METTL23: variants seen among roughly 807,000 people sequenced by gnomAD.
METTL23 encodes histone-arginine methyltransferase METTL23.
Under a neutral mutation model 21.2 loss-of-function variants are expected in METTL23, and 24 were observed. The observed-to-expected ratio is 1.13, with a 90% CI of 0.82 to 1.59. The LOEUF is 1.59. METTL23 is among the 40% of genes most tolerant of loss of function. The pLI is 0.00. For synonymous variants in METTL23, 97 were observed against 75.2 expected, an observed-to-expected ratio of 1.29 and a Z score of -1.50; for missense variants, 276 against 221.4, an observed-to-expected ratio of 1.25 and a Z score of -1.57.
chr17:76,729,869 GTT>G, intron 2 of METTL23, 75 bp downstream of exon 2: 1 of 1,049,642 alleles, frequency 9.5e-7, no homozygotes, highest in Non-Finnish European at 1.4e-6. Flanking sequence ...TATATTGCTT[GTT>G]TTTAGCTTTT....
rs2076970761 is a variant in METTL23, at chr17:76,727,069, T to G, written c.-131T>G. ...CGCCCGGGGCCCAACGACGCCCTAC[T>G]GGGCGAGCACGATTTCCGAGGACAG... On this transcript the variant is annotated 5_prime_UTR_variant, in exon 1 of 5. Coordinates refer to ENST00000341249, the MANE Select transcript of METTL23 (RefSeq NM_001080510.5). 2 of 454,870 alleles carry G rather than the reference T, an allele frequency of 4.4e-6. No individual in the cohort carries two copies. Among genetic ancestry groups the G allele is most frequent in the Non-Finnish European group, 8.8e-6 (2 of 226,352 alleles). The allele number at this position is 454,870 out of a possible 1,614,324, so 28.2% of individuals were successfully genotyped here. A position where few individuals can be genotyped will look rare whatever the true frequency, so the allele number is the denominator to read the frequency against.
chr17:76,733,454 G>C, intron 4 of METTL23, 67 bp from the exon 5 acceptor site: 1 of 1,598,416 alleles, frequency 6.3e-7, no homozygotes, highest in Non-Finnish European at 8.5e-7. Context: ...CATAATTTAA[G>C]AATAGAATAC....
Position 76,729,741 on chromosome 17 carries a change from G to A in METTL23, c.31G>A (p.Ala11Thr), listed in dbSNP as rs2077115921. ...TGTTTGGCCCTGTGCTGTGGTCCTGGCCCAGTACCTTTGGTTTCACAGAAG... is the reference window on the plus strand; with the variant it reads ...TGTTTGGCCCTGTGCTGTGGTCCTGACCCAGTACCTTTGGTTTCACAGAAG... MYVWPCAVVLAQYLWFHRRSL... is the reference protein window; with the variant it reads MYVWPCAVVLTQYLWFHRRSL... The change falls in exon 2 of 5, where the codon GCC becomes ACC. Residue 11 changes from alanine to threonine, a missense_variant. By Grantham distance (58) the Ala-to-Thr change is moderately conservative. Coordinates refer to ENST00000341249, the MANE Select transcript of METTL23 (RefSeq NM_001080510.5). 1.3e-6 allele frequency: 2 copies of A among 1,599,846 alleles called. No homozygotes were observed. The highest frequency in any genetic ancestry group is 1.1e-5 in the South Asian group (1 of 88,618).
At chr17:76,726,249 G>T (rs895288505), upstream of METTL23, 1 of 1,421,746 alleles carries the variant, frequency 7.0e-7, no homozygotes, top group Non-Finnish European at 9.2e-7. Flanking sequence ...ACGAGGTCCC[G>T]GGCGCTCGGG....
chr17:76,733,379 C>T lies in METTL23; in HGVS notation c.407+2C>T, dbSNP rs2077321301. 6.2e-7 allele frequency: 1 copy of T among 1,613,178 alleles called. No homozygotes were observed. The highest frequency in any genetic ancestry group is 1.3e-5 in the African/African-American group (1 of 75,014). On this transcript the variant is annotated splice_donor_variant, in intron 4 of 4. Coordinates refer to ENST00000341249, the MANE Select transcript of METTL23 (RefSeq NM_001080510.5). LOFTEE classifies it low-confidence loss of function (GC_TO_GT_DONOR). ...GTGGTCTACTTATCAAGTTAGGAGGCAAGTATGGATGACCCTTACTTTTTA... is the reference window on the plus strand; with the variant it reads ...GTGGTCTACTTATCAAGTTAGGAGGTAAGTATGGATGACCCTTACTTTTTA...
Position 76,733,215 on chromosome 17 carries a change from G to A in METTL23, c.322G>A (p.Asp108Asn), listed in dbSNP as rs2077309058. The change falls in exon 3 of 5, where the codon GAT becomes AAT. Residue 108 changes from aspartate to asparagine, a missense_variant and splice_region_variant. Physicochemically the swap from Asp to Asn is conservative, Grantham distance 23. Coordinates refer to ENST00000341249, the MANE Select transcript of METTL23 (RefSeq NM_001080510.5). ...ATCTGATGTGTTCTTTGAACCAGAA[G>A]GTAAGCTTTTTTGGCTCAATAGTAC... ...LASDVFFEPE[D>N]FEDILATIYF... The A allele has an allele frequency of 4.3e-6, 7 of 1,613,506 alleles. No individual in the cohort carries two copies. Among genetic ancestry groups the A allele is most frequent in the South Asian group, 2.2e-5 (2 of 91,016 alleles).
Position 76,727,093 on chromosome 17 carries a change from A to C in METTL23, c.-107A>C. The C allele has an allele frequency of 2.2e-6, 1 of 453,170 alleles. No individual in the cohort carries two copies. The highest frequency in any genetic ancestry group is 4.4e-6 in the Non-Finnish European group (1 of 225,704). The allele number at this position is 453,170 out of a possible 1,614,324, so 28.1% of individuals were successfully genotyped here. On this transcript the variant is annotated 5_prime_UTR_variant, in exon 1 of 5. Transcript: ENST00000341249. ...CTGGGCGAGCACGATTTCCGAGGAC[A>C]GGGGGTCCGGGCCCAGCGCTTTCGA...
At chr17:76,726,323 G>A, upstream of METTL23, 1 of 1,548,102 alleles carries the variant, frequency 6.5e-7, no homozygotes, top group Admixed American at 1.9e-5. Flanking sequence ...GCCCGGCCTG[G>A]CCACCCCCGC....
At chr17:76,732,211 C>G (rs1364202787) in intron 2 of METTL23, among the ~76,000 whole-genome samples, 2 of 141,728 alleles carry the variant, frequency 1.4e-5, no homozygotes, top group Non-Finnish European at 2.9e-5. Context: ...ATACAAAATA[C>G]TAGCCGAGTG....
Position 76,726,871 on chromosome 17 carries a change from T to G in METTL23, c.-329T>G, listed in dbSNP as rs756237568. The G allele has an allele frequency of 6.3e-5, 28 of 442,818 alleles. No homozygotes were observed. The highest frequency in any genetic ancestry group is 4.4e-4 in the South Asian group (28 of 63,976). 27.4% of individuals were successfully genotyped at this position (442,818 alleles called of 1,614,324 possible). A position where few individuals can be genotyped will look rare whatever the true frequency, so the allele number is the denominator to read the frequency against. ...GTCGCGCCAGCCGCCCGTTGCCAGT[T>G]CTGCGCGTGTGAGTCTCTTTCGCCT... On this transcript the variant is annotated 5_prime_UTR_variant, in exon 1 of 5. Coordinates refer to ENST00000341249, the MANE Select transcript of METTL23 (RefSeq NM_001080510.5).
At chr17:76,732,147 CAGG>C (rs1424091667) in intron 2 of METTL23, among the ~76,000 whole-genome samples, 1 of 144,734 alleles carries the variant, frequency 6.9e-6, no homozygotes, top group African/African-American at 2.9e-5. Context: ...CACTTGAGGT[CAGG>C]AGTTCAAGAC....
At chr17:76,732,934 G>A in intron 2 of METTL23, 44 bp from the exon 3 acceptor site, 1 of 1,466,196 alleles carries the variant, frequency 6.8e-7, no homozygotes, top group South Asian at 1.2e-5. Context: ...ATTATTTGCA[G>A]TTCCAAGTAT....
chr17:76,727,000 G>A lies in METTL23; in HGVS notation c.-200G>A, dbSNP rs1382073768. 2.2e-6 allele frequency: 1 copy of A among 456,322 alleles called. No homozygotes were observed. The highest frequency in any genetic ancestry group is 4.4e-6 in the Non-Finnish European group (1 of 226,784). The allele number at this position is 456,322 out of a possible 1,614,324, so 28.3% of individuals were successfully genotyped here. On this transcript the variant is annotated 5_prime_UTR_variant, in exon 1 of 5. Coordinates refer to ENST00000341249, the MANE Select transcript of METTL23 (RefSeq NM_001080510.5). ...ACGGCCACGTGGCCCGCGGCTTCCC[G>A]CTCGCGCAGTCTGGCAGCCCGGAGC...
At chr17:76,732,250 C>A (rs888861804) in intron 2 of METTL23, among the ~76,000 whole-genome samples, 2 of 151,926 alleles carry the variant, frequency 1.3e-5, no homozygotes, top group African/African-American at 4.9e-5. Flanking sequence ...TGCCTGTAAT[C>A]CTAGCACTTT....
intron 2 of METTL23, among the ~76,000 whole-genome samples, chr17:76,730,961 C>T (rs1323523433): frequency 4.6e-5 from 7 of 152,170 alleles, no homozygotes; most frequent in Admixed American, 6.5e-5. Flanking sequence ...AAAAATTAGC[C>T]GGGCCTGGTG....
intron 2 of METTL23, among the ~76,000 whole-genome samples, chr17:76,730,869 T>C (rs7209720): frequency 1 from 151,535 of 151,588 alleles, 75,741 homozygotes; most frequent in Middle Eastern, 1. Context: ...TTTGGGAGGC[T>C]GAGGCGGGCG....
At chr17:76,727,207 G>C (rs186161513) in intron 1 of METTL23, 29 bp downstream of exon 1, 23 of 378,412 alleles carry the variant, frequency 6.1e-5, no homozygotes, top group African/African-American at 4.5e-4. Flanking sequence ...GCCAGGAGGC[G>C]CCTGAGGTCA....
chr17:76,731,641 C>CA (rs1442599365), intron 2 of METTL23, among the ~76,000 whole-genome samples: 1 of 152,220 alleles, frequency 6.6e-6, no homozygotes, highest in African/African-American at 2.4e-5. Flanking sequence ...TACCTGGCCT[C>CA]AGACTGGTGA....
upstream of METTL23, chr17:76,726,229 G>T (rs1357668410): frequency 2.3e-6 from 3 of 1,331,276 alleles, no homozygotes; most frequent in South Asian, 1.5e-5. Context: ...CGGGGTGCGG[G>T]TGAGCCTCTA....
Sources: gnomAD v4.1 joint callset for allele counts (sites outside exome capture counted in the v4.1 genomes callset) on GRCh38, gnomAD v4.1.1 for gene constraint, MANE v1.5 for transcripts, NCBI Gene and HGNC (gene_info 2026-07-23, HGNC 2026-07-21) for gene names.